Variants in BMP2K observed in about 807,000 individuals in gnomAD.
BMP2K encodes the protein BMP2 inducible kinase.
Under a neutral mutation model 116.0 loss-of-function variants are expected in BMP2K, and 74 were observed. The ratio of observed to expected loss-of-function variants is 0.64; its 90% CI spans 0.53 to 0.77. The LOEUF is 0.77. Among genes scored for constraint, BMP2K ranks in the 30% least tolerant of loss-of-function variants. The probability of loss-of-function intolerance (pLI) is 0.00; values close to 1 mark genes in which losing one functional copy is unlikely to be tolerated. For synonymous variants in BMP2K, 486 were observed against 502.5 expected, an observed-to-expected ratio of 0.97 and a Z score of 0.44; for missense variants, 1,365 against 1,403.6, an observed-to-expected ratio of 0.97 and a Z score of 0.44.
intron 1 of BMP2K, among the ~76,000 whole-genome samples, chr4:78,807,021 C>A (rs944556410): frequency 6.6e-6 from 1 of 151,470 alleles, no homozygotes; most frequent in African/African-American, 2.4e-5. Context: ...AGCTAATTTT[C>A]GTATTTTTTT....
chr4:78,798,517 GAA>G (rs1368429661), intron 1 of BMP2K, among the ~76,000 whole-genome samples: 2 of 152,132 alleles, frequency 1.3e-5, no homozygotes, highest in East Asian at 3.8e-4. Flanking sequence ...TTTGTTCTTA[GAA>G]AAACTATGAT....
At chr4:78,859,802 G>T in intron 8 of BMP2K, 115 bp downstream of exon 8, 2 of 692,038 alleles carry the variant, frequency 2.9e-6, no homozygotes, top group South Asian at 2.0e-5. Context: ...AGAGTTTCTT[G>T]TTTCATGACA....
chr4:78,792,579 C>G (rs1447983743), intron 1 of BMP2K, among the ~76,000 whole-genome samples: 1 of 152,060 alleles, frequency 6.6e-6, no homozygotes, highest in East Asian at 1.9e-4. Flanking sequence ...TTTTAGAAAA[C>G]TTGTCTTAGC....
At chr4:78,840,330 G>C (rs1168428018) in intron 3 of BMP2K, among the ~76,000 whole-genome samples, 2 of 151,998 alleles carry the variant, frequency 1.3e-5, no homozygotes, top group Non-Finnish European at 2.9e-5. Context: ...TTAATAGAGT[G>C]AAAACAGAGC....
Position 78,895,377 on chromosome 4 carries a change from T to A in BMP2K, c.2062+8093T>A, listed in dbSNP as rs192688522. Among the ~76,000 whole-genome samples, 4 of 152,350 alleles carry A rather than the reference T, an allele frequency of 2.6e-5. No homozygotes were observed. The East Asian group carries it at 7.7e-4, about 29-fold the overall frequency. On this transcript the variant is annotated intron_variant, in intron 15 of 15. Coordinates refer to ENST00000502613, the MANE Select transcript of BMP2K (RefSeq NM_198892.2). ...CAGTTTAGCTGCATTTCACACATTTTGATATGCTGAATTTGCCACATAGTT... is the reference window on the plus strand; with the variant it reads ...CAGTTTAGCTGCATTTCACACATTTAGATATGCTGAATTTGCCACATAGTT...
At position 78,847,071 on chromosome 4, in the gene BMP2K, A is replaced by G. The variant is rs556377789; in HGVS notation, c.669-117A>G. On this transcript the variant is annotated intron_variant, in intron 5 of 15. Coordinates refer to ENST00000502613, the MANE Select transcript of BMP2K (RefSeq NM_198892.2). ...TTTAAAAATAGTATTACTCTATATAATGTTATTGAACCTAAAAGACTTTTT... is the reference window on the plus strand; with the variant it reads ...TTTAAAAATAGTATTACTCTATATAGTGTTATTGAACCTAAAAGACTTTTT... 97 of 431,182 alleles carry G rather than the reference A, an allele frequency of 2.2e-4. 2 individuals carry two copies. In the South Asian group the frequency reaches 9.9e-3, roughly 44 times the overall value. 26.7% of individuals were successfully genotyped at this position (431,182 alleles called of 1,614,324 possible).
chr4:78,823,866 T>C (rs1172565165), intron 1 of BMP2K, among the ~76,000 whole-genome samples: 1 of 152,196 alleles, frequency 6.6e-6, no homozygotes, highest in Non-Finnish European at 1.5e-5. Flanking sequence ...TTCTCTCAGC[T>C]GTACTCATAC....
chr4:78,879,030 TATAC>T, intron 14 of BMP2K, 139 bp downstream of exon 14: 1 of 1,448,690 alleles, frequency 6.9e-7, no homozygotes, highest in Non-Finnish European at 9.0e-7. Context: ...GCCATCTTCT[TATAC>T]ATATACTATC....
At chr4:78,867,443 G>C (rs1472561869) in intron 10 of BMP2K, among the ~76,000 whole-genome samples, 1 of 152,084 alleles carries the variant, frequency 6.6e-6, no homozygotes, top group Non-Finnish European at 1.5e-5. Flanking sequence ...AGCTGTGATT[G>C]CCAGGCCTAA....
chr4:78,801,662 C>T (rs1728573674), intron 1 of BMP2K, among the ~76,000 whole-genome samples: 1 of 151,918 alleles, frequency 6.6e-6, no homozygotes, highest in Admixed American at 6.6e-5. Context: ...ATTTCTTGCC[C>T]TCTGCTATCT....
chr4:78,791,443 C>CT (rs921949009), intron 1 of BMP2K, among the ~76,000 whole-genome samples: 3 of 150,916 alleles, frequency 2.0e-5, no homozygotes, highest in African/African-American at 7.3e-5. Flanking sequence ...CTTTTTTTTT[C>CT]TTTTTTGCAA....
intron 1 of BMP2K, among the ~76,000 whole-genome samples, chr4:78,812,376 A>G (rs781519603): frequency 2.6e-5 from 4 of 152,224 alleles, no homozygotes; most frequent in Non-Finnish European, 4.4e-5. Context: ...GATAATGCCC[A>G]AATACATATC....
At chr4:78,825,914 C>A in intron 1 of BMP2K, 123 bp from the exon 2 acceptor site, 1 of 706,554 alleles carries the variant, frequency 1.4e-6, no homozygotes, top group Non-Finnish European at 2.4e-6. Flanking sequence ...TAGCTTATTG[C>A]ACTTGTTTTT....
intron 3 of BMP2K, among the ~76,000 whole-genome samples, chr4:78,835,443 G>T (rs560800763): frequency 1.4e-4 from 22 of 151,874 alleles, no homozygotes; most frequent in Non-Finnish European, 2.6e-4. Context: ...GGCTAACACG[G>T]TGAAACCCTG....
chr4:78,822,494 T>G (rs990733606), intron 1 of BMP2K, among the ~76,000 whole-genome samples: 2 of 152,176 alleles, frequency 1.3e-5, no homozygotes, highest in African/African-American at 4.8e-5. Context: ...AATACACATT[T>G]ATTTCCCATT....
chr4:78,910,992 C>T lies in BMP2K; in HGVS notation c.2445C>T (p.Asp815=). ...AGCAGGCTAAAGCAAAGTACAGTGA[C>T]ATGAGCTCTGTCTACAGAGACAGAT... ...DYEQAKAKYS[D]MSSVYRDRSG... The change falls in exon 16 of 16, where the codon GAC becomes GAT. Residue 815 remains aspartate (D), a synonymous_variant. Coordinates refer to ENST00000502613, the MANE Select transcript of BMP2K (RefSeq NM_198892.2). 2 of 1,613,634 alleles carry T rather than the reference C, an allele frequency of 1.2e-6. No individual in the cohort carries two copies. The highest frequency in any genetic ancestry group is 1.7e-6 in the Non-Finnish European group (2 of 1,179,824).
In BMP2K at chr4:78,870,965, C is replaced by T; in HGVS notation, c.1414C>T (p.Gln472Ter). The T allele has an allele frequency of 6.2e-7, 1 of 1,611,632 alleles. No homozygotes were observed. Among genetic ancestry groups the T allele is most frequent in the African/African-American group, 1.3e-5 (1 of 74,822 alleles). ...GCAGCAGCAGCAGCAACAGCAACAGCAGCAGCAGCAACAGCAACAGCAGCA... is the reference window on the plus strand; with the variant it reads ...GCAGCAGCAGCAGCAACAGCAACAGTAGCAGCAGCAACAGCAACAGCAGCA... ...QQQQQQQQQQ[Q>*]QQQQQQQQQQ... The change falls in exon 11 of 16, where the codon CAG (glutamine) becomes TAG (stop). Residue 472 changes from glutamine to a stop codon, truncating the protein, a stop_gained. Coordinates refer to ENST00000502613, the MANE Select transcript of BMP2K (RefSeq NM_198892.2). LOFTEE classifies it high-confidence loss of function.
rs1202855918 is a variant in BMP2K, at chr4:78,797,322, A to C, written c.178+20601A>C. Among the ~76,000 whole-genome samples the C allele has an allele frequency of 3.9e-5, 6 of 152,306 alleles. No homozygotes were observed. The East Asian group carries it at 7.7e-4, about 20-fold the overall frequency. ...AAAAGAAAGGAAAAAAACTTACCCC[A>C]AAAGTGATCAAATCAGTCCATTATG... is the stretch of plus-strand genomic sequence containing the variant. On this transcript the variant is annotated intron_variant, in intron 1 of 15. Coordinates refer to ENST00000502613, the MANE Select transcript of BMP2K (RefSeq NM_198892.2).
chr4:78,781,500 T>C (rs1368182629), intron 1 of BMP2K, among the ~76,000 whole-genome samples: 1 of 151,596 alleles, frequency 6.6e-6, no homozygotes, highest in Non-Finnish European at 1.5e-5. Flanking sequence ...TTGGATGAGA[T>C]ATCTGAGAGG....
Sources: gnomAD v4.1 joint callset for allele counts (sites outside exome capture counted in the v4.1 genomes callset) on GRCh38, gnomAD v4.1.1 for gene constraint, MANE v1.5 for transcripts, NCBI Gene and HGNC (gene_info 2026-07-23, HGNC 2026-07-21) for gene names.